The following BTRC variants were observed in gnomAD, a reference collection of about 807,000 sequenced individuals.
BTRC encodes the protein beta-transducin repeat containing E3 ubiquitin protein ligase.
BTRC carries 42 observed loss-of-function variants against 85.5 expected under a neutral mutation model. The ratio of observed to expected loss-of-function variants is 0.49; its 90% confidence interval spans 0.38 to 0.64. The LOEUF (loss-of-function observed/expected upper bound fraction) is 0.64, where lower values mean the gene tolerates loss of function less well. Among genes scored for constraint, BTRC ranks in the 30% least tolerant of loss-of-function variants. The pLI is 0.00. For synonymous variants in BTRC, 255 were observed against 263.3 expected, an observed-to-expected ratio of 0.97 and a Z score of 0.30; for missense variants, 594 against 743.5, an observed-to-expected ratio of 0.80 and a Z score of 2.34.
At chr10:101,445,096 T>C (rs1326167366) in intron 2 of BTRC, among the ~76,000 whole-genome samples, 2 of 152,198 alleles carry the variant, frequency 1.3e-5, no homozygotes, top group African/African-American at 4.8e-5. Context: ...GATACGACTA[T>C]ATATTTTCAG....
intron 4 of BTRC, among the ~76,000 whole-genome samples, chr10:101,497,321 T>A (rs1045483106): frequency 6.6e-6 from 1 of 152,244 alleles, no homozygotes; most frequent in Non-Finnish European, 1.5e-5. Flanking sequence ...AATTTTAGAA[T>A]CGCCAATATT....
chr10:101,394,830 A>T (rs1564745807), intron 1 of BTRC, among the ~76,000 whole-genome samples: 1 of 152,182 alleles, frequency 6.6e-6, no homozygotes, highest in Non-Finnish European at 1.5e-5. Flanking sequence ...GTGTAGCAGC[A>T]AAAGCACAGA....
Position 101,556,038 on chromosome 10 carries a change from A to G in BTRC, c.*2915A>G, listed in dbSNP as rs2062719838. ...ATCATGGATGGAAGGCCATTTGTAC[A>G]TGTCCCTTGGCAAAATTCTTTCTGG... On this transcript the variant is annotated 3_prime_UTR_variant, in exon 15 of 15. Transcript: ENST00000370187. The G allele has an allele frequency of 6.6e-6, 1 of 152,178 alleles. No individual in the cohort carries two copies. The highest frequency in any genetic ancestry group is 1.5e-5 in the Non-Finnish European group (1 of 68,030). 9.4% of individuals were successfully genotyped at this position (152,178 alleles called of 1,614,324 possible).
At chr10:101,522,893 A>G (rs1238499476) in intron 5 of BTRC, among the ~76,000 whole-genome samples, 5 of 152,178 alleles carry the variant, frequency 3.3e-5, no homozygotes, top group African/African-American at 1.2e-4. Context: ...CTATGAGAAT[A>G]TATCAACAGA....
intron 1 of BTRC, among the ~76,000 whole-genome samples, chr10:101,372,771 G>A (rs1025846441): frequency 1.3e-5 from 2 of 151,878 alleles, no homozygotes; most frequent in African/African-American, 4.8e-5. Flanking sequence ...GTTGAGGCAG[G>A]AGAATCGCTT....
intron 2 of BTRC, among the ~76,000 whole-genome samples, chr10:101,431,070 C>CTTTTTTTTTTT (rs748703752): frequency 8.4e-5 from 6 of 71,292 alleles, no homozygotes; most frequent in South Asian, 6.2e-4. Flanking sequence ...CTCAGCCTTT[C>CTTTTTTTTTTT]TTTTTTTTTT....
At position 101,505,157 on chromosome 10, in the gene BTRC, G is replaced by GTATATATA. The variant is rs36139179; in HGVS notation, c.325-16468_325-16461dup. On this transcript the variant is annotated intron_variant, in intron 4 of 14. Transcript: ENST00000370187. The stretch of plus-strand genomic sequence containing the variant: ...TATATATGTATATATATATGTATAT[G>GTATATATA]TATATATATATATATATATATTTTT... 8.2e-3 allele frequency among the ~76,000 whole-genome samples: 975 copies of GTATATATA among 118,838 alleles called. 10 individuals carry two copies. Among genetic ancestry groups the GTATATATA allele is most frequent in the South Asian group, 0.021 (68 of 3,280 alleles). The allele number at this position is 118,838 out of a possible 152,430, so 78.0% of individuals were successfully genotyped here.
intron 1 of BTRC, among the ~76,000 whole-genome samples, chr10:101,365,623 GCA>G: frequency 1.3e-5 from 2 of 151,548 alleles, no homozygotes; most frequent in Non-Finnish European, 2.9e-5. Context: ...CTACAGGTGT[GCA>G]TCACCACACT....
intron 13 of BTRC, among the ~76,000 whole-genome samples, chr10:101,545,579 G>A (rs1462778336): frequency 6.6e-6 from 1 of 152,130 alleles, no homozygotes; most frequent in Middle Eastern, 3.2e-3. Flanking sequence ...AAAACAAGAG[G>A]AGATTGGGAC....
At chr10:101,530,549 T>C (rs565256049) in intron 6 of BTRC, among the ~76,000 whole-genome samples, 2 of 151,580 alleles carry the variant, frequency 1.3e-5, no homozygotes, top group African/African-American at 4.8e-5. Flanking sequence ...ATAGTTACCA[T>C]TACTAACAAA....
In BTRC at chr10:101,427,912, G is replaced by A. The variant is rs180826516; in HGVS notation, c.49-2433G>A. Reference sequence around the variant, plus strand: ...AAATATTAGCCTTAAGAAAATTTTAGTATCATTTACTTAAAAAATTAGCAA... The same window carrying A: ...AAATATTAGCCTTAAGAAAATTTTAATATCATTTACTTAAAAAATTAGCAA... On this transcript the variant is annotated intron_variant, in intron 1 of 14. Coordinates refer to ENST00000370187, the MANE Select transcript of BTRC (RefSeq NM_033637.4). 2.5e-3 allele frequency among the ~76,000 whole-genome samples: 381 copies of A among 152,220 alleles called. 3 individuals are homozygous for A. Among genetic ancestry groups the A allele is most frequent in the African/African-American group, 8.5e-3 (351 of 41,516 alleles).
At chr10:101,473,271 T>G (rs1243183705) in intron 3 of BTRC, among the ~76,000 whole-genome samples, 1 of 151,570 alleles carries the variant, frequency 6.6e-6, no homozygotes, top group East Asian at 1.9e-4. Context: ...GTCTGCTTTT[T>G]AAGCCTCTCC....
intron 7 of BTRC, among the ~76,000 whole-genome samples, chr10:101,532,039 C>T (rs2062290874): frequency 6.6e-6 from 1 of 152,252 alleles, no homozygotes; most frequent in Admixed American, 6.5e-5. Flanking sequence ...TGAGTAGTCT[C>T]TTTCCACCAG....
At chr10:101,498,890 G>A (rs989379201) in intron 4 of BTRC, among the ~76,000 whole-genome samples, 2 of 152,010 alleles carry the variant, frequency 1.3e-5, no homozygotes, top group African/African-American at 2.4e-5. Flanking sequence ...CTACTCAGGA[G>A]GCTGAGGCAG....
Position 101,535,367 on chromosome 10 carries a change from G to A in BTRC, c.1361G>A (p.Ser454Asn). ...GDRTIKVWNTSTCEFVRTLNG... is the reference protein window; with the variant it reads ...GDRTIKVWNTNTCEFVRTLNG... ...TTTCTTTTTCAGGTATGGAACACAA[G>A]TACTTGTGAATTTGTAAGGACCTTA... Residue 454 changes from serine to asparagine, a missense_variant, in exon 11 of 15, where the codon AGT becomes AAT. Physicochemically the swap from Ser to Asn is conservative, Grantham distance 46. Transcript: ENST00000370187. 6.2e-7 allele frequency: 1 copy of A among 1,613,388 alleles called. No homozygotes were observed. Among genetic ancestry groups the A allele is most frequent in the Non-Finnish European group, 8.5e-7 (1 of 1,179,644 alleles).
chr10:101,522,484 G>A (rs1364739630), intron 5 of BTRC, among the ~76,000 whole-genome samples: 13 of 122,248 alleles, frequency 1.1e-4, no homozygotes, highest in East Asian at 2.5e-4. Context: ...GCAGTGGCGC[G>A]ATCTCGGCTC....
chr10:101,523,529 AGGGGAGG>A lies in BTRC; in HGVS notation c.556+1662_556+1668del, dbSNP rs147631821. The stretch of plus-strand genomic sequence containing the variant: ...TTATATTAAATATCATTACCTTGTT[AGGGGAGG>A]GGTTTTGGTTGTTGTTTTCCAATTA... On this transcript the variant is annotated intron_variant, in intron 5 of 14. Coordinates refer to ENST00000370187, the MANE Select transcript of BTRC (RefSeq NM_033637.4). 3.3e-5 allele frequency among the ~76,000 whole-genome samples: 5 copies of A among 152,282 alleles called. No individual in the cohort carries two copies. In the East Asian group the frequency reaches 9.6e-4, roughly 29 times the overall value.
chr10:101,415,905 CT>C (rs1272282826), intron 1 of BTRC, among the ~76,000 whole-genome samples: 2 of 152,176 alleles, frequency 1.3e-5, no homozygotes, highest in African/African-American at 4.8e-5. Flanking sequence ...ATACTTTCCA[CT>C]ATATTGCAGT....
At chr10:101,402,191 T>G (rs1415969333) in intron 1 of BTRC, among the ~76,000 whole-genome samples, 1 of 152,192 alleles carries the variant, frequency 6.6e-6, no homozygotes, top group Non-Finnish European at 1.5e-5. Context: ...TAAATTCATA[T>G]GTGAGGAGGT....
Sources: allele counts gnomAD v4.1 joint callset (sites outside exome capture counted in the v4.1 genomes callset), GRCh38; gene constraint gnomAD v4.1.1; transcripts MANE v1.5; gene names NCBI Gene and HGNC (gene_info 2026-07-23, HGNC 2026-07-21).